The following PHF20L1 variants were observed in gnomAD, a reference collection of about 807,000 sequenced individuals.
PHF20L1 encodes PHD finger protein 20-like protein 1.
PHF20L1 carries 44 observed loss-of-function variants against 125.5 expected under a neutral mutation model. The observed-to-expected ratio is 0.35, with a 90% CI of 0.28 to 0.45. PHF20L1 has a LOEUF of 0.45. Among genes scored for constraint, PHF20L1 ranks in the 20% least tolerant of loss-of-function variants. PHF20L1 has a pLI of 1.00. For missense variants in PHF20L1, 1,012 were observed against 1,217.2 expected (o/e 0.83, Z 2.51); for synonymous variants, 380 against 403.1 (o/e 0.94, Z 0.69).
intron 2 of PHF20L1, among the ~76,000 whole-genome samples, chr8:132,786,942 A>G (rs1563783228): frequency 6.6e-6 from 1 of 152,144 alleles, no homozygotes; most frequent in Non-Finnish European, 1.5e-5. Flanking sequence ...AAACAAATTA[A>G]CTATCTGTAG....
chr8:132,782,593 T>C (rs1207471310), intron 2 of PHF20L1, among the ~76,000 whole-genome samples: 1 of 151,654 alleles, frequency 6.6e-6, no homozygotes, highest in Admixed American at 6.6e-5. Flanking sequence ...CTTTTTCCTT[T>C]TTTTTTTGAG....
At chr8:132,807,591 C>T in intron 8 of PHF20L1, 17 of 363,116 alleles carry the variant, frequency 4.7e-5, no homozygotes, top group Admixed American at 7.3e-5. Context: ...ATTCTTAGTC[C>T]CAGCAAGAAG....
intron 1 of PHF20L1, among the ~76,000 whole-genome samples, chr8:132,777,267 G>A (rs1829915234): frequency 1.3e-5 from 2 of 152,212 alleles, no homozygotes; most frequent in Non-Finnish European, 1.5e-5. Flanking sequence ...TATCTTCACT[G>A]GCAGAGGAGT....
In PHF20L1 at chr8:132,775,516, C is replaced by T; in HGVS notation, c.-167C>T. The T allele has an allele frequency of 2.7e-6, 1 of 375,388 alleles. No individual in the cohort carries two copies. The allele number at this position is 375,388 out of a possible 1,614,324, so 23.3% of individuals were successfully genotyped here. A position where few individuals can be genotyped will look rare whatever the true frequency, so the allele number is the denominator to read the frequency against. ...GATCCGGCGCTGCGGCCCCAGCTCGCTCCGCTCCTGCTCCCTCCCCGGCCG... is the reference window on the plus strand; with the variant it reads ...GATCCGGCGCTGCGGCCCCAGCTCGTTCCGCTCCTGCTCCCTCCCCGGCCG... On this transcript the variant is annotated 5_prime_UTR_variant, in exon 1 of 21. Transcript: ENST00000395386.
chr8:132,812,153 T>C, intron 9 of PHF20L1: 1 of 980,590 alleles, frequency 1.0e-6, no homozygotes. Flanking sequence ...TCTTTGCCGT[T>C]ATTGTCAATA....
intron 2 of PHF20L1, among the ~76,000 whole-genome samples, chr8:132,790,585 T>C (rs1373341927): frequency 2.0e-5 from 3 of 152,242 alleles, no homozygotes; most frequent in African/African-American, 7.2e-5. Flanking sequence ...CTACTTACCA[T>C]GTAGTCTAGC....
In PHF20L1 at chr8:132,842,673, C is replaced by A. The variant is rs1194572866; in HGVS notation, c.2546C>A (p.Pro849His). 7 of 1,613,008 alleles carry A rather than the reference C, an allele frequency of 4.3e-6. No homozygotes were observed. Among genetic ancestry groups the A allele is most frequent in the Non-Finnish European group, 5.9e-6 (7 of 1,179,494 alleles). ...AACCATAAAGAACCACCTCGTTTGCCCCTAAAAATGGAAGGAACTTATATA... is the reference window on the plus strand; with the variant it reads ...AACCATAAAGAACCACCTCGTTTGCACCTAAAAATGGAAGGAACTTATATA... Reference protein sequence around the residue: ...VQNHKEPPRLPLKMEGTYITS... With the variant: ...VQNHKEPPRLHLKMEGTYITS... The change falls in exon 19 of 21, where the codon CCC becomes CAC. Residue 849 changes from proline (P) to histidine (H), a missense_variant. Around this residue, in one of 7 missense-constraint regions of PHF20L1, gnomAD observed 277 missense variants for 283.6 expected, o/e 0.98. Coordinates refer to ENST00000395386, the MANE Select transcript of PHF20L1 (RefSeq NM_016018.5).
Position 132,842,608 on chromosome 8 carries a change from T to G in PHF20L1, c.2481T>G (p.Ala827=), listed in dbSNP as rs764137180. The part of the protein sequence containing the change: ...QIIAGVEKKI[A]QDTVNREEKK... ...TAGCTGGGGTGGAGAAAAAAATAGC[T>G]CAAGACACAGTTAATCGAGAAGAAA... The change falls in exon 19 of 21, where the codon GCT becomes GCG. Residue 827 remains alanine (A), a synonymous_variant. Coordinates refer to ENST00000395386, the MANE Select transcript of PHF20L1 (RefSeq NM_016018.5). 1 of 1,612,930 alleles carries G rather than the reference T, an allele frequency of 6.2e-7. No individual in the cohort carries two copies. The highest frequency in any genetic ancestry group is 8.5e-7 in the Non-Finnish European group (1 of 1,179,500).
chr8:132,833,646 A>C (rs906346754), intron 15 of PHF20L1, among the ~76,000 whole-genome samples: 2 of 152,082 alleles, frequency 1.3e-5, no homozygotes, highest in African/African-American at 2.4e-5. Flanking sequence ...CTTACTGTGA[A>C]TCATCAAGAT....
intron 4 of PHF20L1, among the ~76,000 whole-genome samples, chr8:132,795,971 G>A (rs1027830503): frequency 6.6e-6 from 1 of 151,934 alleles, no homozygotes; most frequent in Admixed American, 6.6e-5. Context: ...TTCAGACCGC[G>A]GTTGACTGCA....
chr8:132,800,713 A>G (rs1488327916), intron 6 of PHF20L1, among the ~76,000 whole-genome samples: 3 of 151,676 alleles, frequency 2.0e-5, no homozygotes, highest in East Asian at 1.9e-4. Flanking sequence ...TTAAGCCTAA[A>G]TAAGTCTTAA....
intron 2 of PHF20L1, among the ~76,000 whole-genome samples, chr8:132,793,546 G>C (rs1055662941): frequency 6.6e-6 from 1 of 152,114 alleles, no homozygotes; most frequent in Non-Finnish European, 1.5e-5. Flanking sequence ...ACTGTGTGCT[G>C]CTATTGAGTT....
chr8:132,836,595 T>C lies in PHF20L1; in HGVS notation c.1965T>C (p.Ser655=), dbSNP rs754840465. 2.5e-6 allele frequency: 4 copies of C among 1,612,166 alleles called. No individual in the cohort carries two copies. The African/African-American group carries it at 5.3e-5, about 22-fold the overall frequency. The change falls in exon 16 of 21, where the codon AGT becomes AGC. Residue 655 remains serine, a synonymous_variant. Coordinates refer to ENST00000395386, the MANE Select transcript of PHF20L1 (RefSeq NM_016018.5). ...CTTCAACGGAGAGTTTGCTTCTGAGTGGGGATGAATACAATCAGGACTTTG... is the reference window on the plus strand; with the variant it reads ...CTTCAACGGAGAGTTTGCTTCTGAGCGGGGATGAATACAATCAGGACTTTG... ...DDSSTESLLL[S]GDEYNQDFDS...
chr8:132,796,263 G>A (rs1832377621), intron 4 of PHF20L1, among the ~76,000 whole-genome samples: 1 of 152,046 alleles, frequency 6.6e-6, no homozygotes, highest in Admixed American at 6.6e-5. Flanking sequence ...GTTTATAGGT[G>A]ATAGAATAGC....
intron 15 of PHF20L1, among the ~76,000 whole-genome samples, chr8:132,832,631 C>CTAGTGTATATACTAG (rs1455081950): frequency 2.3e-4 from 35 of 152,080 alleles, no homozygotes; most frequent in African/African-American, 6.3e-4. Flanking sequence ...GTATATACTT[C>CTAGTGTATATACTAG]TGTAGGTTTT....
chr8:132,842,504 T>A lies in PHF20L1; in HGVS notation c.2388-11T>A. On this transcript the variant is annotated splice_polypyrimidine_tract_variant and intron_variant, in intron 18 of 20. Coordinates refer to ENST00000395386, the MANE Select transcript of PHF20L1 (RefSeq NM_016018.5). ...TTTTCTGAACTGCTGTTTTTCCAAC[T>A]TTGTTTTAAGGAATAAACATCATCC... The A allele has an allele frequency of 6.4e-7, 1 of 1,561,148 alleles. No individual in the cohort carries two copies. The highest frequency in any genetic ancestry group is 8.6e-7 in the Non-Finnish European group (1 of 1,161,036).
At chr8:132,796,457 G>T (rs1832402864) in intron 4 of PHF20L1, among the ~76,000 whole-genome samples, 1 of 151,992 alleles carries the variant, frequency 6.6e-6, no homozygotes, top group Admixed American at 6.6e-5. Flanking sequence ...GGAAAACAGA[G>T]ATATATTAAG....
intron 13 of PHF20L1, 58 bp downstream of exon 13, chr8:132,824,118 A>T (rs756421968): frequency 2.8e-6 from 3 of 1,058,342 alleles, no homozygotes; most frequent in South Asian, 2.7e-5. Context: ...GAGAGGGAGG[A>T]CATAGTCTGC....
At chr8:132,815,527 T>A (rs1834876557) in intron 10 of PHF20L1, 1 of 151,950 alleles carries the variant, frequency 6.6e-6, no homozygotes, top group Non-Finnish European at 1.5e-5. Context: ...CATATTAGTT[T>A]AGTATCCTAA....
Sources: allele counts gnomAD v4.1 joint callset (sites outside exome capture counted in the v4.1 genomes callset), GRCh38; gene constraint gnomAD v4.1.1; regional missense constraint gnomAD v4.1.1; transcripts MANE v1.5; gene names NCBI Gene and HGNC (gene_info 2026-07-23, HGNC 2026-07-21).